The following APBB2 variants were observed in gnomAD, a reference collection of about 807,000 sequenced individuals.
The protein encoded by APBB2 is Fe65-like 1.
In APBB2, 38 loss-of-function variants were observed where a neutral mutation model predicts 82.5. The observed-to-expected ratio is 0.46, with a 90% CI of 0.36 to 0.60. The LOEUF is 0.60. APBB2 is among the 20% of genes least tolerant of loss of function. The pLI is 0.00. For synonymous variants in APBB2, 341 were observed against 368.2 expected, an observed-to-expected ratio of 0.93 and a Z score of 0.85; for missense variants, 772 against 972.3, an observed-to-expected ratio of 0.79 and a Z score of 2.74.
intron 2 of APBB2, among the ~76,000 whole-genome samples, chr4:41,115,443 A>G (rs1446676828): frequency 2.0e-5 from 3 of 152,230 alleles, no homozygotes; most frequent in African/African-American, 7.2e-5. Flanking sequence ...CACCAAAAGC[A>G]ATGGCAACAA....
At chr4:40,823,167 C>T (rs1748600592) in intron 16 of APBB2, among the ~76,000 whole-genome samples, 1 of 152,170 alleles carries the variant, frequency 6.6e-6, no homozygotes, top group African/African-American at 2.4e-5. Flanking sequence ...AATGACTTAG[C>T]CTCTCTGTGC....
Position 41,151,489 on chromosome 4 carries a change from CATCTCAGCCCTTCCTCCTGGA to C in APBB2, c.-416-8368_-416-8348del, listed in dbSNP as rs530871810. On this transcript the variant is annotated intron_variant, in intron 1 of 17. Coordinates refer to ENST00000508593, the MANE Select transcript of APBB2 (RefSeq NM_004307.2). ...TTTATTTCTTCATCATTCCTTTTTGCATCTCAGCCCTTCCTCCTGGAATCTCTCCTTCCGGAAGTATATCCT... is the reference window on the plus strand; with the variant it reads ...TTTATTTCTTCATCATTCCTTTTTGCATCTCTCCTTCCGGAAGTATATCCT... 1.1e-4 allele frequency among the ~76,000 whole-genome samples: 17 copies of C among 152,240 alleles called. 1 individual carries two copies. In the South Asian group the frequency reaches 3.5e-3, roughly 32 times the overall value.
intron 10 of APBB2, among the ~76,000 whole-genome samples, chr4:40,916,422 G>A (rs889134920): frequency 6.6e-6 from 1 of 152,222 alleles, no homozygotes; most frequent in East Asian, 1.9e-4. Context: ...AGAAGCATGT[G>A]TCATGTTCCT....
intron 10 of APBB2, among the ~76,000 whole-genome samples, chr4:40,905,568 C>T (rs1250173786): frequency 2.0e-5 from 3 of 152,190 alleles, no homozygotes; most frequent in Non-Finnish European, 2.9e-5. Flanking sequence ...CTCCTGCCTG[C>T]GAAGTCTATT....
rs528629984 is a variant in APBB2, at chr4:40,917,586, A to G, written c.1254+16870T>C. 7.9e-5 allele frequency among the ~76,000 whole-genome samples: 12 copies of G among 152,056 alleles called. No individual in the cohort carries two copies. The South Asian group carries it at 2.1e-3, about 26-fold the overall frequency. On this transcript the variant is annotated intron_variant, in intron 10 of 17. Transcript: ENST00000508593. ...ATGAGAAAATTTAGACTATCCAGAG[A>G]AAAAAACACCAAAAATAATTAAAGC...
At chr4:41,145,263 T>C (rs574459285) in intron 1 of APBB2, among the ~76,000 whole-genome samples, 77 of 152,288 alleles carry the variant, frequency 5.1e-4, no homozygotes, top group Middle Eastern at 3.4e-3. Context: ...GTGGAATCTT[T>C]ACACTGGGGC....
chr4:40,995,402 G>A (rs1803356903), intron 6 of APBB2, among the ~76,000 whole-genome samples: 1 of 151,986 alleles, frequency 6.6e-6, no homozygotes. Context: ...TTGAGACAGA[G>A]TCTTGCTCTG....
At chr4:40,931,088 C>A (rs1784116154) in intron 10 of APBB2, among the ~76,000 whole-genome samples, 1 of 151,996 alleles carries the variant, frequency 6.6e-6, no homozygotes, top group African/African-American at 2.4e-5. Flanking sequence ...GGGGAGGGGA[C>A]CACTTGGTTC....
intron 4 of APBB2, among the ~76,000 whole-genome samples, chr4:41,061,707 T>C (rs1439960604): frequency 6.6e-6 from 1 of 152,206 alleles, no homozygotes; most frequent in Non-Finnish European, 1.5e-5. Context: ...CAAGAACAGC[T>C]CTAGCTATTT....
In APBB2 at chr4:41,086,939, CA is replaced by C. The variant is rs1382365689; in HGVS notation, c.-149+13699del. On this transcript the variant is annotated intron_variant, in intron 3 of 17. Transcript: ENST00000508593. ...AAAATTCCACACACACACACACACA[CA>C]CACACACACAAAAAACCTGTCAGAA... 2.9e-5 allele frequency among the ~76,000 whole-genome samples: 4 copies of C among 138,508 alleles called. No individual in the cohort carries two copies. In the East Asian group the frequency reaches 7.8e-4, roughly 27 times the overall value. 90.9% of individuals were successfully genotyped at this position (138,508 alleles called of 152,430 possible).
chr4:40,956,649 G>A (rs1791717545), intron 6 of APBB2, among the ~76,000 whole-genome samples: 2 of 151,758 alleles, frequency 1.3e-5, no homozygotes, highest in African/African-American at 2.4e-5. Flanking sequence ...ACAGTTCTGG[G>A]AGTGTTAATT....
intron 2 of APBB2, among the ~76,000 whole-genome samples, chr4:41,140,474 C>A (rs1235734299): frequency 6.6e-6 from 1 of 152,146 alleles, no homozygotes; most frequent in African/African-American, 2.4e-5. Flanking sequence ...AGTCTACCAC[C>A]CAACAGAATT....
intron 10 of APBB2, among the ~76,000 whole-genome samples, chr4:40,907,507 A>G (rs1777327010): frequency 6.7e-6 from 1 of 149,582 alleles, no homozygotes; most frequent in Non-Finnish European, 1.5e-5. Context: ...AGTAGCTGGG[A>G]TTACAGGTGT....
chr4:41,056,589 A>G (rs900479143), intron 4 of APBB2, among the ~76,000 whole-genome samples: 2 of 152,234 alleles, frequency 1.3e-5, no homozygotes, highest in African/African-American at 4.8e-5. Context: ...CAGATGAGAT[A>G]TAAGAATTGA....
At chr4:41,093,444 T>C (rs1446057558) in intron 3 of APBB2, among the ~76,000 whole-genome samples, 8 of 152,194 alleles carry the variant, frequency 5.3e-5, no homozygotes, top group African/African-American at 1.9e-4. Flanking sequence ...TCCAAGTGGA[T>C]AAGGATTTTT....
rs1003774840 is a variant in APBB2 at position 40,832,322 on chromosome 4, G to A, written c.1530-1745C>T. ...AAACCCTGCCTCGCAACCTCACCTC[G>A]CCATGCCCCAGGCAGCCCTGCAGTG... On this transcript the variant is annotated intron_variant, in intron 12 of 17. Transcript: ENST00000508593. The surrounding 1 kb of genome is among the most constrained non-coding windows in gnomAD (Gnocchi z 4.8). Among the ~76,000 whole-genome samples the A allele has an allele frequency of 1.1e-4, 16 of 152,104 alleles. No individual in the cohort carries two copies. The highest frequency in any genetic ancestry group is 4.1e-4 in the South Asian group (2 of 4,830).
At chr4:40,921,276 C>T (rs1398963016) in intron 10 of APBB2, among the ~76,000 whole-genome samples, 1 of 152,166 alleles carries the variant, frequency 6.6e-6, no homozygotes, top group Non-Finnish European at 1.5e-5. Flanking sequence ...GGCCTTAGAG[C>T]CTGCCTCCTT....
intron 1 of APBB2, among the ~76,000 whole-genome samples, chr4:41,145,042 C>G (rs1760322534): frequency 6.6e-6 from 1 of 152,212 alleles, no homozygotes; most frequent in Non-Finnish European, 1.5e-5. Flanking sequence ...GTCACTACAG[C>G]CTGGGAAGTC....
chr4:41,199,808 T>G (rs1776229763), intron 1 of APBB2, among the ~76,000 whole-genome samples: 1 of 152,160 alleles, frequency 6.6e-6, no homozygotes, highest in Non-Finnish European at 1.5e-5. Context: ...TTCCGGTGTC[T>G]AGTGGCAAAC....
Sources: gnomAD v4.1 joint callset for allele counts (sites outside exome capture counted in the v4.1 genomes callset) on GRCh38, gnomAD v4.1.1 for gene constraint, Gnocchi (gnomAD v3.1) non-coding constraint, MANE v1.5 for transcripts, NCBI Gene and HGNC (gene_info 2026-07-23, HGNC 2026-07-21) for gene names.